Variants in STK3 observed in about 807,000 individuals in gnomAD.
STK3 encodes serine/threonine-protein kinase 3.
A neutral mutation model predicts 58.0 loss-of-function variants in STK3; 41 were observed. The observed-to-expected ratio is 0.71, with a 90% confidence interval of 0.55 to 0.92. The LOEUF is 0.92. STK3 is among the 40% of genes least tolerant of loss of function. STK3 has a pLI of 0.00. For synonymous variants in STK3, 170 were observed against 191.0 expected (o/e 0.89, Z 0.91); for missense variants, 479 against 602.7 (o/e 0.79, Z 2.15).
intron 3 of STK3, among the ~76,000 whole-genome samples, chr8:98,869,488 A>C (rs546453338): frequency 6.6e-6 from 1 of 152,290 alleles, no homozygotes; most frequent in East Asian, 1.9e-4. Context: ...TAATATGGGC[A>C]GGCCTTAAAT....
At chr8:98,939,523 G>A (rs1840322534) in intron 1 of STK3, among the ~76,000 whole-genome samples, 2 of 152,202 alleles carry the variant, frequency 1.3e-5, no homozygotes, top group African/African-American at 4.8e-5. Context: ...AACGAAATCT[G>A]CAGTGAGAAA....
At chr8:98,784,741 T>C (rs910377871) in intron 1 of STK3, among the ~76,000 whole-genome samples, 8 of 151,972 alleles carry the variant, frequency 5.3e-5, no homozygotes, top group African/African-American at 1.5e-4. Context: ...CCACTCCACA[T>C]GGAGACAGAT....
intron 1 of STK3, among the ~76,000 whole-genome samples, chr8:98,440,060 G>A (rs1284165336): frequency 6.6e-6 from 1 of 152,340 alleles, no homozygotes; most frequent in Middle Eastern, 3.4e-3. Flanking sequence ...CTGGGGGCAG[G>A]ACCAGGGATA....
At chr8:98,408,168 T>C (rs1408511477) in intron 3 of STK3, among the ~76,000 whole-genome samples, 1 of 152,108 alleles carries the variant, frequency 6.6e-6, no homozygotes, top group Non-Finnish European at 1.5e-5. Flanking sequence ...CAATTGGCCA[T>C]TTGGAAAAAG....
chr8:98,899,347 C>T (rs1452464673), intron 1 of STK3, among the ~76,000 whole-genome samples: 3 of 152,118 alleles, frequency 2.0e-5, no homozygotes, highest in African/African-American at 7.2e-5. Context: ...GCACAGTAGG[C>T]CCTCCTTATC....
intron 4 of STK3, among the ~76,000 whole-genome samples, chr8:98,725,640 T>G (rs1827745328): frequency 6.6e-6 from 1 of 152,158 alleles, no homozygotes; most frequent in South Asian, 2.1e-4. Flanking sequence ...TAAGACACAA[T>G]GATCTTTTCA....
intron 3 of STK3, among the ~76,000 whole-genome samples, chr8:98,849,815 A>G (rs982196208): frequency 8.5e-5 from 13 of 152,102 alleles, no homozygotes; most frequent in Admixed American, 8.5e-4. Context: ...TTCAATTTCC[A>G]GGTCCAAAGG....
chr8:98,655,162 G>A (rs1821377411), intron 6 of STK3, among the ~76,000 whole-genome samples: 1 of 151,946 alleles, frequency 6.6e-6, no homozygotes, highest in African/African-American at 2.4e-5. Flanking sequence ...ACAGAACAGA[G>A]CCCTCAGAAA....
chr8:98,867,223 C>T (rs1837177441), intron 3 of STK3, among the ~76,000 whole-genome samples: 1 of 152,154 alleles, frequency 6.6e-6, no homozygotes, highest in Admixed American at 6.5e-5. Context: ...GGAGACCAGC[C>T]TGGGCAACAT....
intron 6 of STK3, among the ~76,000 whole-genome samples, chr8:98,690,670 A>G (rs1824337764): frequency 6.6e-6 from 1 of 152,248 alleles, no homozygotes; most frequent in Admixed American, 6.5e-5. Context: ...TACCATCATC[A>G]TTTTTCACAG....
At chr8:98,791,813 C>T (rs1587633171) in intron 1 of STK3, among the ~76,000 whole-genome samples, 1 of 152,302 alleles carries the variant, frequency 6.6e-6, no homozygotes, top group East Asian at 1.9e-4. Context: ...AAAAAATCAG[C>T]TCAAGATGGA....
At chr8:98,362,717 G>A in the STK3 span, among the ~76,000 whole-genome samples, 1 of 152,186 alleles carries the variant, frequency 6.6e-6, no homozygotes, top group East Asian at 1.9e-4. Context: ...AAGCTGGGGT[G>A]AAGTGGGGCA....
intron 3 of STK3, among the ~76,000 whole-genome samples, chr8:98,766,141 T>G (rs576778747): frequency 2.8e-4 from 43 of 152,344 alleles, no homozygotes; most frequent in African/African-American, 1.0e-3. Context: ...GAAGATGCCC[T>G]GCCTTCTTCT....
chr8:98,733,858 CT>C (rs1209641766), intron 4 of STK3, among the ~76,000 whole-genome samples: 1 of 152,130 alleles, frequency 6.6e-6, no homozygotes, highest in Non-Finnish European at 1.5e-5. Context: ...GTAAATAAAA[CT>C]GCTGTATTCA....
intron 1 of STK3, among the ~76,000 whole-genome samples, chr8:98,817,246 T>C (rs1278940492): frequency 6.6e-6 from 1 of 152,022 alleles, no homozygotes; most frequent in African/African-American, 2.4e-5. Flanking sequence ...CTGAGGTCAG[T>C]AGTTCGAGAC....
chr8:98,499,864 T>A (rs1823434112), intron 10 of STK3, among the ~76,000 whole-genome samples: 1 of 152,120 alleles, frequency 6.6e-6, no homozygotes. Flanking sequence ...AGATTTTGGG[T>A]TGAAACTGAA....
chr8:98,709,437 A>G (rs1319696132), intron 4 of STK3, among the ~76,000 whole-genome samples: 3 of 152,226 alleles, frequency 2.0e-5, no homozygotes, highest in Non-Finnish European at 4.4e-5. Flanking sequence ...AAAAGAGAAC[A>G]CTTCCACACT....
At chr8:98,425,686 C>G (rs1198945764) in intron 3 of STK3, among the ~76,000 whole-genome samples, 1 of 152,184 alleles carries the variant, frequency 6.6e-6, no homozygotes, top group Non-Finnish European at 1.5e-5. Flanking sequence ...AGCCCCCATT[C>G]GAAGCCAGAT....
At chr8:98,493,642 T>A (rs1239256426) in intron 10 of STK3, among the ~76,000 whole-genome samples, 3 of 152,164 alleles carry the variant, frequency 2.0e-5, no homozygotes, top group African/African-American at 7.2e-5. Flanking sequence ...AATATTATTC[T>A]CCCTCTATAC....
Sources: allele counts gnomAD v4.1 joint callset (sites outside exome capture counted in the v4.1 genomes callset), GRCh38; gene constraint gnomAD v4.1.1; transcripts MANE v1.5; gene names NCBI Gene and HGNC (gene_info 2026-07-23, HGNC 2026-07-21).